The following NSUN4 variants were observed in gnomAD, a reference collection of about 807,000 sequenced individuals.
NSUN4 encodes the protein 5-cytosine rRNA methyltransferase NSUN4.
NSUN4 carries 31 observed loss-of-function variants against 43.8 expected under a neutral mutation model. The ratio of observed to expected loss-of-function variants is 0.71; its 90% CI spans 0.53 to 0.96. NSUN4 has a LOEUF of 0.96. Among genes scored for constraint, NSUN4 ranks in the 40% least tolerant of loss-of-function variants. The pLI is 0.00. For synonymous variants in NSUN4, 167 were observed against 184.1 expected, an observed-to-expected ratio of 0.91 and a Z score of 0.75; for missense variants, 439 against 475.6, an observed-to-expected ratio of 0.92 and a Z score of 0.72.
the NSUN4 span, among the ~76,000 whole-genome samples, chr1:46,375,243 C>T: frequency 6.6e-6 from 1 of 151,872 alleles, no homozygotes; most frequent in Admixed American, 6.6e-5. Context: ...TGAGACCAGC[C>T]TGACCAACAT....
At chr1:46,366,789 G>A (rs1011731352), downstream of NSUN4, among the ~76,000 whole-genome samples, 1 of 151,730 alleles carries the variant, frequency 6.6e-6, no homozygotes, top group East Asian at 1.9e-4. Context: ...AATGTAGGAG[G>A]GATCATATTG....
At chr1:46,379,581 C>A in the NSUN4 span, among the ~76,000 whole-genome samples, 35 of 152,318 alleles carry the variant, frequency 2.3e-4, no homozygotes, top group African/African-American at 8.2e-4. Flanking sequence ...CACCACTGCA[C>A]TCCAGCCTGG....
the NSUN4 span, among the ~76,000 whole-genome samples, chr1:46,372,577 C>A: frequency 6.6e-6 from 1 of 152,322 alleles, no homozygotes; most frequent in Admixed American, 6.5e-5. Context: ...AGTAGTCATG[C>A]AGCAACCTGA....
chr1:46,375,303 T>C, the NSUN4 span, among the ~76,000 whole-genome samples: 34,058 of 151,720 alleles, frequency 0.22, 4,285 homozygotes, highest in Non-Finnish European at 0.29. Context: ...GGCATGGTGG[T>C]GCATGCTTGT....
chr1:46,341,474 T>C (rs1662100948), intron 1 of NSUN4: 1 of 1,020,544 alleles, frequency 9.8e-7, no homozygotes, highest in African/African-American at 1.7e-5. Context: ...CTGTCCATAC[T>C]GCCGGCCCAA....
At chr1:46,358,398 ATT>A (rs34719174) in intron 4 of NSUN4, among the ~76,000 whole-genome samples, 35,508 of 93,420 alleles carry the variant, frequency 0.38, 5,872 homozygotes, top group East Asian at 0.69. Flanking sequence ...TCCTGGCCTA[ATT>A]TTTTTTTTTT....
chr1:46,354,408 A>G (rs1011434865), intron 4 of NSUN4, among the ~76,000 whole-genome samples: 1 of 151,886 alleles, frequency 6.6e-6, no homozygotes, highest in African/African-American at 2.4e-5. Flanking sequence ...CAGTCTCTTC[A>G]TGTTTTTAAG....
At chr1:46,343,873 C>G (rs1662296633) in intron 1 of NSUN4, 6 of 400,380 alleles carry the variant, frequency 1.5e-5, no homozygotes, top group Non-Finnish European at 2.6e-5. Flanking sequence ...GAGTCCCCAA[C>G]ATAGCAGGAG....
the NSUN4 span, among the ~76,000 whole-genome samples, chr1:46,376,088 A>G: frequency 9.5e-6 from 1 of 105,172 alleles, no homozygotes; most frequent in Non-Finnish European, 1.8e-5. Context: ...GGGCAACAAG[A>G]GCGAAACTAA....
chr1:46,368,024 C>A (rs548655528), downstream of NSUN4, among the ~76,000 whole-genome samples: 4 of 152,192 alleles, frequency 2.6e-5, no homozygotes, highest in East Asian at 7.7e-4. Context: ...CTTGGCCTCC[C>A]AAAGTGCTAG....
intron 4 of NSUN4, among the ~76,000 whole-genome samples, chr1:46,356,700 A>AAG (rs1553177624): frequency 4.0e-5 from 6 of 148,868 alleles, no homozygotes; most frequent in Non-Finnish European, 7.4e-5. Flanking sequence ...CAAAAAAAAA[A>AAG]AAGAAGAAGA....
chr1:46,347,541 C>T (rs985255497), intron 3 of NSUN4, among the ~76,000 whole-genome samples: 1 of 152,186 alleles, frequency 6.6e-6, no homozygotes, highest in African/African-American at 2.4e-5. Context: ...TAGTTCCTCT[C>T]TTTCTCTGTC....
chr1:46,382,907 T>A, the NSUN4 span, among the ~76,000 whole-genome samples: 1 of 152,198 alleles, frequency 6.6e-6, no homozygotes, highest in Non-Finnish European at 1.5e-5. Context: ...GGGCCAAAAA[T>A]GCTTTTCTCA....
intron 4 of NSUN4, among the ~76,000 whole-genome samples, chr1:46,354,922 C>T (rs960681528): frequency 5.9e-5 from 9 of 152,000 alleles, no homozygotes; most frequent in African/African-American, 1.9e-4. Context: ...CCATTAGCCT[C>T]AGCCTCCCAA....
intron 3 of NSUN4, 28 bp downstream of exon 3, chr1:46,347,103 A>G (rs370970261): frequency 6.5e-5 from 104 of 1,605,712 alleles, no homozygotes; most frequent in Non-Finnish European, 8.5e-5. Context: ...TGTGTTGGGC[A>G]GAGAGAGCTC....
intron 1 of NSUN4, 31 bp from the exon 2 acceptor site, chr1:46,344,770 A>T (rs996681816): frequency 1.8e-5 from 28 of 1,587,558 alleles, no homozygotes; most frequent in Non-Finnish European, 2.2e-5. Context: ...CAAGACTGGG[A>T]AAACCAATAA....
At chr1:46,384,375 A>G in the NSUN4 span, among the ~76,000 whole-genome samples, 13 of 152,270 alleles carry the variant, frequency 8.5e-5, no homozygotes, top group South Asian at 2.7e-3. Context: ...GGTGGAGGAT[A>G]GTTAAGGGAG....
intron 1 of NSUN4, chr1:46,341,450 T>C (rs1662098182): frequency 1.3e-5 from 13 of 1,011,940 alleles, no homozygotes; most frequent in Non-Finnish European, 1.5e-5. Context: ...CCGGGCAAGG[T>C]TACAGCGACC....
At chr1:46,354,951 G>A (rs1386485955) in intron 4 of NSUN4, among the ~76,000 whole-genome samples, 1 of 152,206 alleles carries the variant, frequency 6.6e-6, no homozygotes, top group African/African-American at 2.4e-5. Context: ...GATTATAGGC[G>A]TGAGCCACTG....
Sources: allele counts gnomAD v4.1 joint callset (sites outside exome capture counted in the v4.1 genomes callset), GRCh38; gene constraint gnomAD v4.1.1; transcripts MANE v1.5; gene names NCBI Gene and HGNC (gene_info 2026-07-23, HGNC 2026-07-21).